AFF3: variants seen among roughly 807,000 people sequenced by gnomAD.
AFF3 encodes the protein ALF transcription elongation factor 3.
AFF3 carries 32 observed loss-of-function variants against 129.7 expected under a neutral mutation model. The ratio of observed to expected loss-of-function variants is 0.25; its 90% CI spans 0.19 to 0.33. The LOEUF (loss-of-function observed/expected upper bound fraction) is 0.33, where lower values mean the gene tolerates loss of function less well. AFF3 is among the 10% of genes least tolerant of loss of function. The pLI, the probability that AFF3 is intolerant of heterozygous loss-of-function variation, is 1.00. For missense variants in AFF3, 1,373 were observed against 1,592.0 expected (o/e 0.86, Z 2.34); for synonymous variants, 644 against 635.4 (o/e 1.01, Z -0.20).
chr2:99,952,771 G>T (rs974883163), intron 7 of AFF3, among the ~76,000 whole-genome samples: 4 of 152,102 alleles, frequency 2.6e-5, no homozygotes, highest in African/African-American at 9.7e-5. Context: ...TTAATCAAAG[G>T]ACTGACTCAC....
chr2:99,583,401 G>A (rs983307627), intron 16 of AFF3, among the ~76,000 whole-genome samples: 4 of 152,068 alleles, frequency 2.6e-5, no homozygotes, highest in Non-Finnish European at 5.9e-5. Context: ...GTCTTTTTTT[G>A]AGACGGGATC....
intron 10 of AFF3, among the ~76,000 whole-genome samples, chr2:99,736,793 A>G (rs1680302428): frequency 6.6e-6 from 1 of 151,608 alleles, no homozygotes; most frequent in Admixed American, 6.6e-5. Flanking sequence ...TATTTTTAGT[A>G]GAGATGGGGT....
rs1678698486 is a variant in AFF3 at position 99,591,706 on chromosome 2, T to C, written c.2466+1489A>G. The stretch of plus-strand genomic sequence containing the variant: ...TATGTGTCCAGTCTAACTTTTCTAT[T>C]GATAGACTAGACTGTCTTCAGAAAA... On this transcript the variant is annotated intron_variant, in intron 15 of 24. Coordinates refer to ENST00000672756, the MANE Select transcript of AFF3 (RefSeq NM_001386135.1). 2.0e-5 allele frequency among the ~76,000 whole-genome samples: 3 copies of C among 152,180 alleles called. No individual in the cohort carries two copies. The South Asian group carries it at 6.2e-4, about 32-fold the overall frequency.
At chr2:99,730,268 T>TA (rs2105024703) in intron 10 of AFF3, among the ~76,000 whole-genome samples, 1 of 152,268 alleles carries the variant, frequency 6.6e-6, no homozygotes, top group South Asian at 2.1e-4. Context: ...ATAGGTCACT[T>TA]AAAAAATTAT....
intron 7 of AFF3, among the ~76,000 whole-genome samples, chr2:99,873,687 T>A (rs1158390999): frequency 1.3e-5 from 2 of 151,484 alleles, no homozygotes; most frequent in Non-Finnish European, 2.9e-5. Flanking sequence ...CATTTGAGGC[T>A]CTTGGTTAAT....
At chr2:100,130,479 C>G (rs191337115) in intron 1 of AFF3, among the ~76,000 whole-genome samples, 4 of 152,230 alleles carry the variant, frequency 2.6e-5, no homozygotes, top group African/African-American at 9.6e-5. Context: ...ACAGATTTCC[C>G]TTTCTCTGAG....
At chr2:99,947,456 A>G (rs1675678337) in intron 7 of AFF3, among the ~76,000 whole-genome samples, 1 of 150,570 alleles carries the variant, frequency 6.6e-6, no homozygotes, top group Non-Finnish European at 1.5e-5. Context: ...ATAGAAAGAC[A>G]GGAAAGACAG....
chr2:99,721,373 A>G (rs1678872238), intron 11 of AFF3, among the ~76,000 whole-genome samples: 1 of 152,094 alleles, frequency 6.6e-6, no homozygotes, highest in Non-Finnish European at 1.5e-5. Context: ...TACTAAAAAT[A>G]CAAAAATTAG....
intron 8 of AFF3, among the ~76,000 whole-genome samples, chr2:99,775,785 A>G (rs1044355466): frequency 1.3e-5 from 2 of 152,200 alleles, no homozygotes; most frequent in Admixed American, 1.3e-4. Flanking sequence ...AAAGACGACA[A>G]CATCATTAGA....
chr2:100,046,832 A>G (rs17023447), intron 4 of AFF3, among the ~76,000 whole-genome samples: 3,148 of 152,210 alleles, frequency 0.021, 120 homozygotes, highest in African/African-American at 0.072. Context: ...CCTCTTGTCC[A>G]ATGGCTGTGT....
chr2:100,002,108 C>A (rs1017438911), intron 7 of AFF3, among the ~76,000 whole-genome samples: 33 of 152,346 alleles, frequency 2.2e-4, no homozygotes, highest in African/African-American at 7.5e-4. Context: ...GCTTGCCACA[C>A]ACCCTCATTT....
intron 7 of AFF3, among the ~76,000 whole-genome samples, chr2:99,884,037 G>A (rs1481185263): frequency 6.6e-6 from 1 of 152,142 alleles, no homozygotes; most frequent in Non-Finnish European, 1.5e-5. Flanking sequence ...GGCAAATACT[G>A]CCTCATTTTA....
At chr2:99,872,357 G>C (rs1187014424) in intron 7 of AFF3, among the ~76,000 whole-genome samples, 9 of 151,768 alleles carry the variant, frequency 5.9e-5, no homozygotes, top group African/African-American at 1.9e-4. Flanking sequence ...ACCACATTTT[G>C]GGAGTTTGGG....
intron 4 of AFF3, among the ~76,000 whole-genome samples, chr2:100,069,779 G>A (rs1211039348): frequency 1.3e-5 from 2 of 152,136 alleles, no homozygotes; most frequent in Non-Finnish European, 1.5e-5. Flanking sequence ...TCATCAACAC[G>A]CATTTAAAAG....
intron 4 of AFF3, among the ~76,000 whole-genome samples, chr2:100,072,089 A>G (rs1688231730): frequency 6.6e-6 from 1 of 152,048 alleles, no homozygotes; most frequent in African/African-American, 2.4e-5. Context: ...TCCCCTCCCC[A>G]TGTCCAGCCC....
At chr2:99,982,962 T>A (rs986201788) in intron 7 of AFF3, among the ~76,000 whole-genome samples, 1 of 152,188 alleles carries the variant, frequency 6.6e-6, no homozygotes, top group Admixed American at 6.5e-5. Context: ...CAGGATGTAA[T>A]CTTAGTCACA....
intron 12 of AFF3, among the ~76,000 whole-genome samples, chr2:99,662,731 T>C (rs1686355479): frequency 6.6e-6 from 1 of 152,210 alleles, no homozygotes; most frequent in Non-Finnish European, 1.5e-5. Flanking sequence ...TTTTGGAGCC[T>C]TGCCCCTCAA....
At chr2:99,768,861 C>T (rs1442735108) in intron 8 of AFF3, among the ~76,000 whole-genome samples, 6 of 152,202 alleles carry the variant, frequency 3.9e-5, no homozygotes, top group African/African-American at 1.4e-4. Context: ...AAGTCTGCGG[C>T]CAGATGTACT....
intron 8 of AFF3, among the ~76,000 whole-genome samples, chr2:99,792,625 C>G (rs998784792): frequency 6.6e-6 from 1 of 152,130 alleles, no homozygotes; most frequent in African/African-American, 2.4e-5. Flanking sequence ...TTGTGGATAC[C>G]CTTTATCAAG....
Sources: allele counts gnomAD v4.1 joint callset (sites outside exome capture counted in the v4.1 genomes callset), GRCh38; gene constraint gnomAD v4.1.1; transcripts MANE v1.5; gene names NCBI Gene and HGNC (gene_info 2026-07-23, HGNC 2026-07-21).